The following ARNT variants were observed in gnomAD, a reference collection of about 807,000 sequenced individuals.
ARNT encodes aryl hydrocarbon receptor nuclear translocator.
ARNT carries 30 observed loss-of-function variants against 105.0 expected under a neutral mutation model. The ratio of observed to expected loss-of-function variants is 0.29; its 90% CI spans 0.21 to 0.39. ARNT has a LOEUF of 0.39. Ranked by LOEUF, ARNT falls within the 10% of genes least tolerant of loss-of-function variation. The pLI, the probability that ARNT is intolerant of heterozygous loss-of-function variation, is 1.00. For synonymous variants in ARNT, 304 were observed against 344.0 expected, an observed-to-expected ratio of 0.88 and a Z score of 1.29; for missense variants, 748 against 978.7, an observed-to-expected ratio of 0.76 and a Z score of 3.15.
chr1:150,876,007 A>C (rs1668186274), intron 1 of ARNT, among the ~76,000 whole-genome samples: 1 of 152,322 alleles, frequency 6.6e-6, no homozygotes, highest in South Asian at 2.1e-4. Context: ...TGCGGGTGGG[A>C]GGTAACAGCC....
intron 6 of ARNT, among the ~76,000 whole-genome samples, chr1:150,838,938 T>C (rs1352123188): frequency 6.6e-6 from 1 of 152,222 alleles, no homozygotes; most frequent in Admixed American, 6.5e-5. Context: ...CAGATGAAGT[T>C]CCTGAAAGGC....
At chr1:150,812,471 C>T (rs1237433408) in intron 21 of ARNT, 5 of 169,848 alleles carry the variant, frequency 2.9e-5, no homozygotes, top group Middle Eastern at 2.7e-3. Flanking sequence ...TGCTTTAAAC[C>T]AGCTCTTCCT....
chr1:150,873,317 A>C (rs1160976613), intron 1 of ARNT, among the ~76,000 whole-genome samples: 1 of 148,860 alleles, frequency 6.7e-6, no homozygotes, highest in East Asian at 2.0e-4. Flanking sequence ...AAAAAAAAAC[A>C]AAACAAAACT....
At chr1:150,818,073 G>A in intron 14 of ARNT, 43 bp from the exon 15 acceptor site, 1 of 1,331,876 alleles carries the variant, frequency 7.5e-7, no homozygotes, top group Non-Finnish European at 1.1e-6. Context: ...TGGAGAGGGA[G>A]GAAGGGGGGA....
At chr1:150,813,372 A>AG in intron 20 of ARNT, 34 bp from the exon 21 acceptor site, 1 of 1,542,352 alleles carries the variant, frequency 6.5e-7, no homozygotes, top group South Asian at 1.3e-5. Context: ...AAACAACTCC[A>AG]ATCTACACAA....
chr1:150,855,659 T>C (rs1293899904), intron 2 of ARNT, among the ~76,000 whole-genome samples: 1 of 151,906 alleles, frequency 6.6e-6, no homozygotes, highest in Admixed American at 6.6e-5. Context: ...CCCAACACTT[T>C]AGGACGTCGA....
At position 150,811,204 on chromosome 1, in the gene ARNT, ATAACAGAC is replaced by A; in HGVS notation, c.*809_*816del. 1 of 233,816 alleles carries A rather than the reference ATAACAGAC, an allele frequency of 4.3e-6. No homozygotes were observed. The highest frequency in any genetic ancestry group is 8.5e-6 in the Non-Finnish European group (1 of 118,014). The allele number at this position is 233,816 out of a possible 1,614,324, so 14.5% of individuals were successfully genotyped here. ...CCAGCTTTATCACTGAATGTGTTCG[ATAACAGAC>A]AATCGTATCAACAGCCGACTTTCTA... On this transcript the variant is annotated 3_prime_UTR_variant, in exon 22 of 22. Transcript: ENST00000358595.
chr1:150,832,520 A>G, intron 8 of ARNT, 121 bp from the exon 9 acceptor site: 1 of 902,032 alleles, frequency 1.1e-6, no homozygotes, highest in Non-Finnish European at 1.8e-6. Flanking sequence ...TAATGCTACT[A>G]ATAATGAAGG....
chr1:150,874,018 T>TAAAAAAAAAA, intron 1 of ARNT, among the ~76,000 whole-genome samples: 1 of 64,418 alleles, frequency 1.6e-5, no homozygotes, highest in Non-Finnish European at 3.0e-5. Context: ...ACAAGAATTG[T>TAAAAAAAAAA]AAAAAAAAAA....
chr1:150,839,363 AT>A, intron 6 of ARNT, 77 bp downstream of exon 6: 1 of 1,469,766 alleles, frequency 6.8e-7, no homozygotes, highest in Non-Finnish European at 9.4e-7. Flanking sequence ...GAAAAGCTGA[AT>A]TCTTGTCCAA....
chr1:150,816,131 A>G (rs1655818150), intron 19 of ARNT, 128 bp downstream of exon 19: 2 of 1,213,346 alleles, frequency 1.6e-6, no homozygotes, highest in African/African-American at 1.6e-5. Context: ...CAAAGATGGA[A>G]ATTGGAAACC....
chr1:150,834,773 A>G (rs10305700), intron 7 of ARNT, 133 bp from the exon 8 acceptor site: 10,253 of 637,820 alleles, frequency 0.016, 128 homozygotes, highest in Non-Finnish European at 0.02. Flanking sequence ...AGAACTGACC[A>G]AGCAGGAGAT....
chr1:150,855,054 C>T (rs933880443), intron 2 of ARNT, among the ~76,000 whole-genome samples: 5 of 152,016 alleles, frequency 3.3e-5, no homozygotes, highest in South Asian at 2.1e-4. Flanking sequence ...CCTCAGCCTC[C>T]CAAAGTGCTG....
intron 3 of ARNT, among the ~76,000 whole-genome samples, chr1:150,847,566 C>A (rs1227541554): frequency 6.6e-6 from 1 of 151,958 alleles, no homozygotes; most frequent in Non-Finnish European, 1.5e-5. Context: ...CTCTTTGGAT[C>A]TGCATGTAGT....
At chr1:150,813,475 C>A in intron 20 of ARNT, 137 bp from the exon 21 acceptor site, 1 of 864,422 alleles carries the variant, frequency 1.2e-6, no homozygotes, top group Non-Finnish European at 1.6e-6. Context: ...CCAATCAATG[C>A]CTTTTCTATC....
In ARNT at chr1:150,842,526, G is replaced by C. The variant is rs587764658; in HGVS notation, c.228-58C>G. Reference sequence around the variant, plus strand: ...TAAAATAAAAAAGAAGGAAGGAAGGGGGGAGGGAGGAAGGGAAAAAAGGAA... The same window carrying C: ...TAAAATAAAAAAGAAGGAAGGAAGGCGGGAGGGAGGAAGGGAAAAAAGGAA... On this transcript the variant is annotated intron_variant, in intron 4 of 21. Transcript: ENST00000358595. The C allele has an allele frequency of 5.3e-6, 8 of 1,507,290 alleles. No homozygotes were observed. The South Asian group carries it at 9.3e-5, about 18-fold the overall frequency. The allele number at this position is 1,507,290 out of a possible 1,614,324, so 93.4% of individuals were successfully genotyped here.
chr1:150,817,260 C>T, intron 16 of ARNT, 58 bp from the exon 17 acceptor site: 2 of 1,612,328 alleles, frequency 1.2e-6, no homozygotes. Context: ...ATTCAATAAC[C>T]CTAAAATTCA....
At chr1:150,870,917 G>A (rs1386039248) in intron 1 of ARNT, among the ~76,000 whole-genome samples, 3 of 151,824 alleles carry the variant, frequency 2.0e-5, no homozygotes, top group Non-Finnish European at 2.9e-5. Flanking sequence ...CTGTAACCCC[G>A]GCACTCTGGG....
At chr1:150,827,808 G>A (rs1301568527) in intron 12 of ARNT, among the ~76,000 whole-genome samples, 1 of 152,162 alleles carries the variant, frequency 6.6e-6, no homozygotes, top group Non-Finnish European at 1.5e-5. Flanking sequence ...ATGTATGAGG[G>A]TTCCTTCCAG....
Sources: allele counts gnomAD v4.1 joint callset (sites outside exome capture counted in the v4.1 genomes callset), GRCh38; gene constraint gnomAD v4.1.1; transcripts MANE v1.5; gene names NCBI Gene and HGNC (gene_info 2026-07-23, HGNC 2026-07-21).